NRXN3: variants seen among roughly 807,000 people sequenced by gnomAD.
NRXN3 encodes the protein neurexin III.
Under a neutral mutation model 137.6 loss-of-function variants are expected in NRXN3, and 32 were observed. The observed-to-expected ratio is 0.23, with a 90% CI of 0.18 to 0.31. The LOEUF (loss-of-function observed/expected upper bound fraction) is 0.31. NRXN3 is among the 10% of genes least tolerant of loss of function. The pLI is 1.00. For synonymous variants in NRXN3, 798 were observed against 784.5 expected (o/e 1.02, Z -0.29); for missense variants, 1,574 against 2,062.5 (o/e 0.76, Z 4.59).
chr14:78,821,099 A>G (rs2098949458), intron 10 of NRXN3, among the ~76,000 whole-genome samples: 2 of 152,154 alleles, frequency 1.3e-5, no homozygotes, highest in East Asian at 1.9e-4. Flanking sequence ...CTTAATGATG[A>G]CACAGGACTT....
At chr14:78,723,060 C>T (rs2098467211) in intron 8 of NRXN3, among the ~76,000 whole-genome samples, 2 of 152,056 alleles carry the variant, frequency 1.3e-5, no homozygotes, top group South Asian at 2.1e-4. Flanking sequence ...GGGAAGTTTT[C>T]GAAGATGCAG....
At chr14:78,872,261 A>G (rs1474822633) in intron 10 of NRXN3, among the ~76,000 whole-genome samples, 3 of 147,726 alleles carry the variant, frequency 2.0e-5, no homozygotes, top group African/African-American at 7.4e-5. Flanking sequence ...TTATATATGT[A>G]TATATATTTA....
chr14:79,428,676 G>A (rs146293153), intron 15 of NRXN3, among the ~76,000 whole-genome samples: 55 of 152,248 alleles, frequency 3.6e-4, no homozygotes, highest in African/African-American at 1.3e-3. Flanking sequence ...GTACAAGAGT[G>A]TAACTACTTC....
At chr14:78,521,763 A>G (rs2096287637) in intron 4 of NRXN3, among the ~76,000 whole-genome samples, 1 of 152,200 alleles carries the variant, frequency 6.6e-6, no homozygotes, top group South Asian at 2.1e-4. Context: ...CTCTGTGAGT[A>G]GAGCTTATCT....
chr14:79,003,615 GA>G (rs1264314232), intron 15 of NRXN3, among the ~76,000 whole-genome samples: 1 of 152,150 alleles, frequency 6.6e-6, no homozygotes, highest in African/African-American at 2.4e-5. Context: ...CTTGACAGAA[GA>G]AACCAGGGAA....
At chr14:78,525,528 A>G (rs1291108254) in intron 4 of NRXN3, among the ~76,000 whole-genome samples, 1 of 152,156 alleles carries the variant, frequency 6.6e-6, no homozygotes, top group African/African-American at 2.4e-5. Flanking sequence ...ACCCAGCCCT[A>G]TCTGTGCACT....
intron 20 of NRXN3, among the ~76,000 whole-genome samples, chr14:79,818,124 G>A (rs986472738): frequency 6.9e-6 from 1 of 145,902 alleles, no homozygotes; most frequent in African/African-American, 2.5e-5. Flanking sequence ...CGCGATCTCG[G>A]CTCACTGCAA....
chr14:79,082,411 G>GTGTGTGTA (rs2047230223), intron 15 of NRXN3, among the ~76,000 whole-genome samples: 1 of 151,946 alleles, frequency 6.6e-6, no homozygotes, highest in South Asian at 2.1e-4. Flanking sequence ...GTGTGTGTGT[G>GTGTGTGTA]TGTGTGTGTA....
intron 15 of NRXN3, among the ~76,000 whole-genome samples, chr14:79,162,896 C>T (rs74950680): frequency 0.022 from 3,351 of 151,834 alleles, 133 homozygotes; most frequent in African/African-American, 0.077. Context: ...TTTCTCTTTG[C>T]TCCTCCTCTT....
intron 8 of NRXN3, among the ~76,000 whole-genome samples, chr14:78,737,630 A>G (rs2098546855): frequency 6.6e-6 from 1 of 151,738 alleles, no homozygotes; most frequent in South Asian, 2.1e-4. Context: ...AAAGGGGGGG[A>G]GGGGTAGAAA....
At position 79,517,076 on chromosome 14, in the gene NRXN3, A is replaced by G. The variant is rs1030455583; in HGVS notation, c.3444+49674A>G. ...GATTGCCAAATTGTCCTTGAGAAGT[A>G]TTACACAAATGTACAGCCCCCCCCC... is the stretch of plus-strand genomic sequence containing the variant. On this transcript the variant is annotated intron_variant, in intron 16 of 20. Coordinates refer to ENST00000335750, the MANE Select transcript of NRXN3 (RefSeq NM_001330195.2). Among the ~76,000 whole-genome samples the G allele has an allele frequency of 2.9e-5, 4 of 137,440 alleles. No homozygotes were observed. The East Asian group carries it at 8.4e-4, about 29-fold the overall frequency. 90.2% of individuals were successfully genotyped at this position (137,440 alleles called of 152,430 possible).
At chr14:78,615,504 G>A (rs984917585) in intron 4 of NRXN3, among the ~76,000 whole-genome samples, 8 of 151,878 alleles carry the variant, frequency 5.3e-5, no homozygotes, top group African/African-American at 1.9e-4. Context: ...CCAGCTACTT[G>A]GGAGGCTGAG....
chr14:78,669,303 G>T (rs2152707779), intron 6 of NRXN3, among the ~76,000 whole-genome samples: 1 of 152,204 alleles, frequency 6.6e-6, no homozygotes, highest in African/African-American at 2.4e-5. Flanking sequence ...ATTGTTCCCG[G>T]AAAGGGATCC....
At chr14:79,363,871 C>G (rs1402784092) in intron 15 of NRXN3, among the ~76,000 whole-genome samples, 1 of 152,136 alleles carries the variant, frequency 6.6e-6, no homozygotes, top group East Asian at 1.9e-4. Context: ...TATACCTGGC[C>G]CAGGTTTATC....
At chr14:79,712,772 T>G (rs2098809067) in intron 19 of NRXN3, among the ~76,000 whole-genome samples, 1 of 152,192 alleles carries the variant, frequency 6.6e-6, no homozygotes, top group African/African-American at 2.4e-5. Flanking sequence ...TCTGACCTCC[T>G]GCTTTAGTCT....
chr14:79,320,842 CTTT>C (rs879619303), intron 15 of NRXN3, among the ~76,000 whole-genome samples: 2 of 138,530 alleles, frequency 1.4e-5, no homozygotes, highest in Non-Finnish European at 3.2e-5. Flanking sequence ...TTAGCAAGGA[CTTT>C]TTTTTTTTTT....
At chr14:78,242,239 C>T (rs1311530228) in intron 1 of NRXN3, among the ~76,000 whole-genome samples, 152 bp from the exon 2 acceptor site, 1 of 152,174 alleles carries the variant, frequency 6.6e-6, no homozygotes, top group Non-Finnish European at 1.5e-5. Flanking sequence ...CCCACGGCCT[C>T]CCTCCTGTTT....
chr14:79,316,648 A>G (rs2088767894), intron 15 of NRXN3, among the ~76,000 whole-genome samples: 1 of 151,954 alleles, frequency 6.6e-6, no homozygotes, highest in African/African-American at 2.4e-5. Context: ...GCATATTGAT[A>G]ATTTTACCAT....
intron 16 of NRXN3, among the ~76,000 whole-genome samples, chr14:79,649,241 A>G (rs993361502): frequency 3.9e-5 from 6 of 152,054 alleles, no homozygotes; most frequent in Admixed American, 3.3e-4. Context: ...AAGCTCTAGC[A>G]TTGCTTGGAT....
Sources: allele counts gnomAD v4.1 joint callset (sites outside exome capture counted in the v4.1 genomes callset), GRCh38; gene constraint gnomAD v4.1.1; transcripts MANE v1.5; gene names NCBI Gene and HGNC (gene_info 2026-07-23, HGNC 2026-07-21).